The following CLIC6 variants were observed in gnomAD, a reference collection of about 807,000 sequenced individuals.
CLIC6 encodes chloride intracellular channel protein 6.
In CLIC6, 39 loss-of-function variants were observed where a neutral mutation model predicts 49.2. The ratio of observed to expected loss-of-function variants is 0.79; its 90% CI spans 0.61 to 1.04. CLIC6 has a LOEUF of 1.04. Among genes scored for constraint, CLIC6 ranks in the 50% least tolerant of loss-of-function variants. The probability of loss-of-function intolerance (pLI) is 0.00; values close to 1 mark genes in which losing one functional copy is unlikely to be tolerated. For missense variants in CLIC6, 988 were observed against 993.1 expected, an observed-to-expected ratio of 0.99 and a Z score of 0.07; for synonymous variants, 446 against 433.4, an observed-to-expected ratio of 1.03 and a Z score of -0.36.
rs2056098010 is a variant in CLIC6, at chr21:34,718,087, G to A, written c.*1605G>A. Reference sequence around the variant, plus strand: ...AGATTTTAAAATGTAGTTTTGTAATGTTACATTTAAGCATGATAAATGATT... The same window carrying A: ...AGATTTTAAAATGTAGTTTTGTAATATTACATTTAAGCATGATAAATGATT... On this transcript the variant is annotated 3_prime_UTR_variant, in exon 6 of 6. Transcript: ENST00000349499. 1 of 152,606 alleles carries A rather than the reference G, an allele frequency of 6.6e-6. No homozygotes were observed. The highest frequency in any genetic ancestry group is 2.4e-5 in the African/African-American group (1 of 41,434). 9.5% of individuals were successfully genotyped at this position (152,606 alleles called of 1,614,324 possible).
intron 5 of CLIC6, among the ~76,000 whole-genome samples, chr21:34,715,010 T>G (rs2056078427): frequency 6.6e-6 from 1 of 152,172 alleles, no homozygotes; most frequent in African/African-American, 2.4e-5. Context: ...GTCAAACAAT[T>G]TAGGAGGCTC....
At chr21:34,701,456 A>ATGATGATGT (rs1990189620) in intron 1 of CLIC6, among the ~76,000 whole-genome samples, 1 of 152,106 alleles carries the variant, frequency 6.6e-6, no homozygotes, top group African/African-American at 2.4e-5. Context: ...AAGAGTAATG[A>ATGATGATGT]TGATGATGTT....
chr21:34,674,565 T>C (rs1480093818), intron 1 of CLIC6, among the ~76,000 whole-genome samples: 1 of 152,230 alleles, frequency 6.6e-6, no homozygotes, highest in East Asian at 1.9e-4. Context: ...CAGTTTGTTT[T>C]ATTTTACAAG....
rs996004498 is a variant in CLIC6 at position 34,682,834 on chromosome 21, C to T, written c.1374+12072C>T. Among the ~76,000 whole-genome samples the T allele has an allele frequency of 1.8e-3, 132 of 74,964 alleles. 1 individual carries two copies. Among genetic ancestry groups the T allele is most frequent in the Admixed American group, 2.9e-3 (13 of 4,488 alleles). 49.2% of individuals were successfully genotyped at this position (74,964 alleles called of 152,430 possible). ...TTTTTTTTTTTTTTTTTTTTTGAGA[C>T]GGAGTCTCGCTGTGTCTCCCAGGTT... is the stretch of plus-strand genomic sequence containing the variant. On this transcript the variant is annotated intron_variant, in intron 1 of 5. Coordinates refer to ENST00000349499, the MANE Select transcript of CLIC6 (RefSeq NM_053277.3).
chr21:34,683,313 T>G (rs918869647), intron 1 of CLIC6, among the ~76,000 whole-genome samples: 4 of 152,226 alleles, frequency 2.6e-5, no homozygotes, highest in Non-Finnish European at 5.9e-5. Flanking sequence ...CTACTGAAAT[T>G]TATTTGATTC....
intron 2 of CLIC6, 148 bp from the exon 3 acceptor site, chr21:34,707,796 C>T (rs970773205): frequency 4.4e-5 from 35 of 793,052 alleles, no homozygotes; most frequent in African/African-American, 8.7e-5. Context: ...TTACTTTCAT[C>T]GCCAGCAAGA....
chr21:34,672,784 A>C (rs905139619), intron 1 of CLIC6, among the ~76,000 whole-genome samples: 7 of 152,176 alleles, frequency 4.6e-5, no homozygotes, highest in African/African-American at 1.7e-4. Context: ...TGGGCAAGTT[A>C]CTTAATCTTT....
rs567809232 is a variant in CLIC6, at chr21:34,681,761, G to A, written c.1374+10999G>A. ...TATGACTTTGTCTCAGAAGTTACAT[G>A]CTGTAACTTCTGCCTTATTTTATTC... On this transcript the variant is annotated intron_variant, in intron 1 of 5. Coordinates refer to ENST00000349499, the MANE Select transcript of CLIC6 (RefSeq NM_053277.3). Among the ~76,000 whole-genome samples, 7 of 152,268 alleles carry A rather than the reference G, an allele frequency of 4.6e-5. No homozygotes were observed. The South Asian group carries it at 1.5e-3, about 32-fold the overall frequency.
chr21:34,698,546 C>T (rs767025826), intron 1 of CLIC6, among the ~76,000 whole-genome samples: 8 of 151,778 alleles, frequency 5.3e-5, no homozygotes, highest in Non-Finnish European at 1.0e-4. Flanking sequence ...GAAAGACAGA[C>T]GGAAGGGAGG....
chr21:34,688,434 C>T (rs1274229336), intron 1 of CLIC6, among the ~76,000 whole-genome samples: 4 of 152,236 alleles, frequency 2.6e-5, no homozygotes, highest in African/African-American at 7.2e-5. Context: ...CTGCGGCTGG[C>T]GTTCCCCTGG....
In CLIC6 at chr21:34,686,606, C is replaced by A. The variant is rs891697617; in HGVS notation, c.1374+15844C>A. Among the ~76,000 whole-genome samples, 3 of 152,156 alleles carry A rather than the reference C, an allele frequency of 2.0e-5. No homozygotes were observed. The East Asian group carries it at 5.8e-4, about 29-fold the overall frequency. ...CCAGCAGAATATAGTGGACGTGATGCTGGGTGATTTTTGTCCTGCAAGACT... is the reference window on the plus strand; with the variant it reads ...CCAGCAGAATATAGTGGACGTGATGATGGGTGATTTTTGTCCTGCAAGACT... On this transcript the variant is annotated intron_variant, in intron 1 of 5. Transcript: ENST00000349499.
chr21:34,713,695 G>A (rs954711301), intron 5 of CLIC6, among the ~76,000 whole-genome samples: 3 of 152,146 alleles, frequency 2.0e-5, no homozygotes, highest in African/African-American at 7.2e-5. Context: ...AAAAGAAAAC[G>A]AGAGAATGTT....
At chr21:34,679,899 G>A (rs1433845350) in intron 1 of CLIC6, among the ~76,000 whole-genome samples, 2 of 152,224 alleles carry the variant, frequency 1.3e-5, no homozygotes, top group African/African-American at 2.4e-5. Flanking sequence ...CTGCTTTCAC[G>A]GACTGGTGTT....
intron 4 of CLIC6, 88 bp from the exon 5 acceptor site, chr21:34,709,269 A>G (rs2056038715): frequency 8.3e-7 from 1 of 1,198,210 alleles, no homozygotes; most frequent in Admixed American, 1.9e-5. Flanking sequence ...CATCTCAGCG[A>G]GGAAGGGAAG....
chr21:34,711,252 C>A (rs959026146), intron 5 of CLIC6, among the ~76,000 whole-genome samples: 2 of 152,148 alleles, frequency 1.3e-5, no homozygotes, highest in African/African-American at 4.8e-5. Flanking sequence ...AAGGTAGCGG[C>A]CAGGCGCAGT....
intron 1 of CLIC6, among the ~76,000 whole-genome samples, chr21:34,683,101 G>T (rs377555182): frequency 6.6e-6 from 1 of 151,610 alleles, no homozygotes; most frequent in South Asian, 2.1e-4. Context: ...GTGAGCCACC[G>T]CGCCTGGCCC....
chr21:34,670,424 GC>G lies in CLIC6; in HGVS notation c.1041del (p.Asp349ThrfsTer11), dbSNP rs1179417700. ...GGGGGTAAAGGGGTCCGAAGAAGCG[GC>G]CCCCGGGGACGCAAGGGCAGACGCT... is the stretch of plus-strand genomic sequence containing the variant. ...VPGVKGSEEA[A>X]PGDARADAGE... On this transcript the variant is annotated frameshift_variant, in exon 1 of 6. Transcript: ENST00000349499. LOFTEE classifies it high-confidence loss of function. 7.5e-6 allele frequency: 11 copies of G among 1,461,252 alleles called. No individual in the cohort carries two copies. Among genetic ancestry groups the G allele is most frequent in the Admixed American group, 2.7e-5 (1 of 36,364 alleles). 90.5% of individuals were successfully genotyped at this position (1,461,252 alleles called of 1,614,324 possible). A position where few individuals can be genotyped will look rare whatever the true frequency, so the allele number is the denominator to read the frequency against.
intron 1 of CLIC6, among the ~76,000 whole-genome samples, chr21:34,685,146 A>G (rs1989852791): frequency 6.6e-6 from 1 of 152,144 alleles, no homozygotes; most frequent in Non-Finnish European, 1.5e-5. Context: ...GGTGGTGTGT[A>G]GGATGCTGCA....
At chr21:34,689,015 TG>T (rs1425682358) in intron 1 of CLIC6, among the ~76,000 whole-genome samples, 2 of 152,200 alleles carry the variant, frequency 1.3e-5, no homozygotes, top group African/African-American at 4.8e-5. Flanking sequence ...TTTGTGAAGC[TG>T]CTCTCAGTGT....
Sources: gnomAD v4.1 joint callset for allele counts (sites outside exome capture counted in the v4.1 genomes callset) on GRCh38, gnomAD v4.1.1 for gene constraint, MANE v1.5 for transcripts, NCBI Gene and HGNC (gene_info 2026-07-23, HGNC 2026-07-21) for gene names.